HS3ST5: variants seen among roughly 807,000 people sequenced by gnomAD.
The protein encoded by HS3ST5 is heparan sulfate-glucosamine 3-sulfotransferase 5.
A neutral mutation model predicts 25.4 loss-of-function variants in HS3ST5; 10 were observed. That is an observed-to-expected ratio of 0.39 (90% CI 0.24 to 0.67). The LOEUF (loss-of-function observed/expected upper bound fraction) is 0.67. Among genes scored for constraint, HS3ST5 ranks in the 30% least tolerant of loss-of-function variants. The pLI, the probability that HS3ST5 is intolerant of heterozygous loss-of-function variation, is 0.44. For synonymous variants in HS3ST5, 170 were observed against 162.4 expected (o/e 1.05, Z -0.36); for missense variants, 324 against 420.7 (o/e 0.77, Z 2.01).
intron 3 of HS3ST5, chr6:114,143,026 G>A (rs1274882508): frequency 6.6e-6 from 1 of 152,166 alleles, no homozygotes; most frequent in African/African-American, 2.4e-5. Flanking sequence ...CTATAGGTAA[G>A]TTTATCACGC....
intron 3 of HS3ST5, among the ~76,000 whole-genome samples, chr6:114,124,676 C>T (rs1582627146): frequency 6.7e-6 from 1 of 149,390 alleles, no homozygotes. Context: ...TGAAAATAAA[C>T]CTTGATAACC....
chr6:114,279,668 A>C (rs1325554120), intron 1 of HS3ST5, among the ~76,000 whole-genome samples: 1 of 151,896 alleles, frequency 6.6e-6, no homozygotes, highest in African/African-American at 2.4e-5. Flanking sequence ...TGGCCCCGGT[A>C]TGGCTGGATT....
At chr6:114,327,470 T>C (rs1776217910) in intron 1 of HS3ST5, among the ~76,000 whole-genome samples, 2 of 152,238 alleles carry the variant, frequency 1.3e-5, no homozygotes, top group South Asian at 2.1e-4. Flanking sequence ...TGCCTCTTAT[T>C]GCCATGGATA....
At chr6:114,190,067 A>G (rs1210363344) in intron 2 of HS3ST5, among the ~76,000 whole-genome samples, 1 of 152,072 alleles carries the variant, frequency 6.6e-6, no homozygotes, top group East Asian at 1.9e-4. Context: ...CTGTAGCTAA[A>G]CTCTTAGTTA....
intron 1 of HS3ST5, among the ~76,000 whole-genome samples, chr6:114,333,405 T>C (rs184968855): frequency 1.3e-5 from 2 of 152,272 alleles, no homozygotes; most frequent in East Asian, 3.9e-4. Flanking sequence ...TAATGGTGTA[T>C]AAAAATTTTC....
intron 3 of HS3ST5, among the ~76,000 whole-genome samples, chr6:114,063,984 G>C (rs976568964): frequency 2.0e-5 from 3 of 152,156 alleles, no homozygotes; most frequent in Admixed American, 2.0e-4. Flanking sequence ...GAGGAGCGTA[G>C]GGCTTTACTA....
chr6:114,146,360 C>T (rs924716255), intron 3 of HS3ST5, among the ~76,000 whole-genome samples: 2 of 152,170 alleles, frequency 1.3e-5, no homozygotes, highest in Non-Finnish European at 2.9e-5. Flanking sequence ...AGAATCATAT[C>T]GTTAAAGAAA....
At chr6:114,133,845 A>G (rs1777464881) in intron 3 of HS3ST5, among the ~76,000 whole-genome samples, 1 of 151,844 alleles carries the variant, frequency 6.6e-6, no homozygotes, top group Admixed American at 6.6e-5. Context: ...GTTTCCAGGG[A>G]GGTGATTATA....
At chr6:114,243,092 C>T (rs945722289) in intron 1 of HS3ST5, among the ~76,000 whole-genome samples, 7 of 152,164 alleles carry the variant, frequency 4.6e-5, no homozygotes, top group African/African-American at 2.4e-5. Context: ...AACTAAACTG[C>T]CCCAGTGGAG....
At chr6:114,157,632 G>A (rs1163511832) in intron 3 of HS3ST5, among the ~76,000 whole-genome samples, 1 of 152,078 alleles carries the variant, frequency 6.6e-6, no homozygotes, top group Non-Finnish European at 1.5e-5. Flanking sequence ...TAATTAGCTT[G>A]ATTTAATCAT....
intron 3 of HS3ST5, among the ~76,000 whole-genome samples, chr6:114,157,309 T>C (rs1191666930): frequency 6.6e-6 from 1 of 152,216 alleles, no homozygotes; most frequent in Admixed American, 6.5e-5. Context: ...TCCTGTCTCA[T>C]TCCCATCCAA....
chr6:114,231,611 G>A (rs908558572), intron 1 of HS3ST5, among the ~76,000 whole-genome samples: 9 of 151,838 alleles, frequency 5.9e-5, no homozygotes, highest in African/African-American at 2.2e-4. Flanking sequence ...TGGTTTGCTG[G>A]GTGGATTTAT....
At chr6:114,230,371 A>G (rs1771524657) in intron 1 of HS3ST5, 1 of 151,898 alleles carries the variant, frequency 6.6e-6, no homozygotes, top group Admixed American at 6.6e-5. Flanking sequence ...TTTCACCTCA[A>G]AGTTCATTAT....
chr6:114,245,111 A>G (rs1222042683), intron 1 of HS3ST5, among the ~76,000 whole-genome samples: 1 of 152,232 alleles, frequency 6.6e-6, no homozygotes, highest in Non-Finnish European at 1.5e-5. Flanking sequence ...GAAGATCTAT[A>G]TTGAAAAAGC....
intron 1 of HS3ST5, among the ~76,000 whole-genome samples, chr6:114,332,328 T>C (rs536447074): frequency 3.3e-5 from 5 of 152,288 alleles, no homozygotes; most frequent in African/African-American, 1.2e-4. Flanking sequence ...GTTTTCTCCA[T>C]CATCTAGCAC....
intron 2 of HS3ST5, among the ~76,000 whole-genome samples, chr6:114,207,088 G>A (rs1298361110): frequency 6.6e-6 from 1 of 152,162 alleles, no homozygotes; most frequent in South Asian, 2.1e-4. Flanking sequence ...GTTTTGGCAA[G>A]ATTATAGAAT....
chr6:114,072,857 C>T (rs1349445387), intron 3 of HS3ST5, among the ~76,000 whole-genome samples: 1 of 152,148 alleles, frequency 6.6e-6, no homozygotes, highest in Admixed American at 6.5e-5. Flanking sequence ...GCAAAAAGAA[C>T]AAAGCTGGAG....
intron 1 of HS3ST5, among the ~76,000 whole-genome samples, chr6:114,295,091 C>G (rs1200793404): frequency 1.3e-5 from 2 of 152,084 alleles, no homozygotes; most frequent in South Asian, 4.2e-4. Context: ...AAATCACACA[C>G]AAGAGCAAGA....
chr6:114,291,044 T>C (rs184832833), intron 1 of HS3ST5, among the ~76,000 whole-genome samples: 21 of 152,178 alleles, frequency 1.4e-4, no homozygotes, highest in African/African-American at 2.7e-4. Context: ...CCAGGTACTC[T>C]TTCTGTCCCC....
Sources: allele counts gnomAD v4.1 joint callset (sites outside exome capture counted in the v4.1 genomes callset), GRCh38; gene constraint gnomAD v4.1.1; transcripts MANE v1.5; gene names NCBI Gene and HGNC (gene_info 2026-07-23, HGNC 2026-07-21).